Variants in SLC9A3 observed in about 807,000 individuals in gnomAD.
SLC9A3 encodes the protein solute carrier family 9 member A3.
A neutral mutation model predicts 86.8 loss-of-function variants in SLC9A3; 37 were observed. The ratio of observed to expected loss-of-function variants is 0.43; its 90% CI spans 0.33 to 0.56. The LOEUF (loss-of-function observed/expected upper bound fraction) is 0.56. Among genes scored for constraint, SLC9A3 ranks in the 20% least tolerant of loss-of-function variants. The pLI, the probability that SLC9A3 is intolerant of heterozygous loss-of-function variation, is 0.06. For synonymous variants in SLC9A3, 581 were observed against 528.3 expected, an observed-to-expected ratio of 1.10 and a Z score of -1.37; for missense variants, 1,011 against 1,171.9, an observed-to-expected ratio of 0.86 and a Z score of 2.00.
rs988432300 is a variant in SLC9A3, at chr5:496,288, C to T, written c.212-4217G>A. Among the ~76,000 whole-genome samples the T allele has an allele frequency of 2.0e-5, 3 of 152,272 alleles. No individual in the cohort carries two copies. Among genetic ancestry groups the T allele is most frequent in the Non-Finnish European group, 2.9e-5 (2 of 68,012 alleles). ...GTGTGTGTTGAGAGCTCACCTGTGTCCTCCTGCATGGGACATGCCGTCCCA... is the reference window on the plus strand; with the variant it reads ...GTGTGTGTTGAGAGCTCACCTGTGTTCTCCTGCATGGGACATGCCGTCCCA... On this transcript the variant is annotated intron_variant, in intron 1 of 16. Coordinates refer to ENST00000264938, the MANE Select transcript of SLC9A3 (RefSeq NM_004174.4). This position sits in a 1 kb window ranked among gnomAD's most constrained non-coding sequence, Gnocchi z 4.7.
At chr5:509,122 T>TA (rs1560972590) in intron 1 of SLC9A3, among the ~76,000 whole-genome samples, 1 of 145,314 alleles carries the variant, frequency 6.9e-6, no homozygotes, top group African/African-American at 2.6e-5. Context: ...AAAAAAAAAA[T>TA]TATCTCAGAA....
At position 473,209 on chromosome 5, in the gene SLC9A3, C is replaced by G. The variant is rs1223258351; in HGVS notation, c.*170G>C. ...TCGGGCGGCTCTGCGGGCGCAGGCG[C>G]GGCACTCTCGGAGTTCTGCGCAGGC... On this transcript the variant is annotated 3_prime_UTR_variant, in exon 17 of 17. Transcript: ENST00000264938. 15 of 684,540 alleles carry G rather than the reference C, an allele frequency of 2.2e-5. No homozygotes were observed. The highest frequency in any genetic ancestry group is 2.8e-5 in the Non-Finnish European group (14 of 497,692). 42.4% of individuals were successfully genotyped at this position (684,540 alleles called of 1,614,324 possible).
chr5:503,445 A>G (rs1164042501), intron 1 of SLC9A3, among the ~76,000 whole-genome samples: 1 of 152,200 alleles, frequency 6.6e-6, no homozygotes, highest in Non-Finnish European at 1.5e-5. Context: ...GGCTGAGGCC[A>G]GAGGGTCCAT....
Position 497,139 on chromosome 5 carries a change from A to T in SLC9A3, c.212-5068T>A, listed in dbSNP as rs1403939759. On this transcript the variant is annotated intron_variant, in intron 1 of 16. Transcript: ENST00000264938. The surrounding 1 kb of genome is among the most constrained non-coding windows in gnomAD (Gnocchi z 5.4). ...AGAAGGCCCTGCTAGCCTCAGAGAG[A>T]CAGTCTTTCCACACAGATGTCTGTT... Among the ~76,000 whole-genome samples the T allele has an allele frequency of 6.6e-6, 1 of 152,150 alleles. No individual in the cohort carries two copies. The highest frequency in any genetic ancestry group is 3.2e-3 in the Middle Eastern group (1 of 316).
Position 491,494 on chromosome 5 carries a change from G to A in SLC9A3, c.514+275C>T, listed in dbSNP as rs376357531. The stretch of plus-strand genomic sequence containing the variant: ...CGGACCCCTACCTCTGCCCAGTGCC[G>A]GAGGAAGAGCGGCAGCCCCTGGCCA... On this transcript the variant is annotated intron_variant, in intron 2 of 16. Transcript: ENST00000264938. The surrounding 1 kb of genome is among the most constrained non-coding windows in gnomAD (Gnocchi z 9.2). 1.2e-4 allele frequency among the ~76,000 whole-genome samples: 18 copies of A among 152,178 alleles called. No individual in the cohort carries two copies. Among genetic ancestry groups the A allele is most frequent in the Admixed American group, 5.2e-4 (8 of 15,290 alleles).
rs926231489 is a variant in SLC9A3 at position 472,549 on chromosome 5, T to C, written c.*830A>G. ...AGACCTCGTCTGTGGGGACGGGCCG[T>C]GTCCGGGGCCGCCACCCTGAGACCG... On this transcript the variant is annotated 3_prime_UTR_variant, in exon 17 of 17. Transcript: ENST00000264938. The C allele has an allele frequency of 8.6e-6, 3 of 347,104 alleles. No individual in the cohort carries two copies. The highest frequency in any genetic ancestry group is 1.7e-5 in the Non-Finnish European group (3 of 175,092). 21.5% of individuals were successfully genotyped at this position (347,104 alleles called of 1,614,324 possible).
chr5:477,258 C>T, intron 11 of SLC9A3, 74 bp downstream of exon 11: 6 of 1,086,566 alleles, frequency 5.5e-6, no homozygotes, highest in Middle Eastern at 2.1e-4. Flanking sequence ...GGAGCCACCA[C>T]AGCCCTGTCT....
At chr5:495,885 G>A (rs1739991987) in intron 1 of SLC9A3, among the ~76,000 whole-genome samples, 1 of 22,074 alleles carries the variant, frequency 4.5e-5, no homozygotes, top group Non-Finnish European at 8.4e-5. Flanking sequence ...CGCCATCGCC[G>A]ACCCTCCCCA....
At chr5:477,610 A>AT in intron 10 of SLC9A3, 166 bp from the exon 11 acceptor site, 1 of 551,922 alleles carries the variant, frequency 1.8e-6, no homozygotes, top group Non-Finnish European at 3.2e-6. Context: ...TGGAAATGCC[A>AT]AAACCAGGAG....
At chr5:516,301 T>C (rs987622845) in intron 1 of SLC9A3, among the ~76,000 whole-genome samples, 2 of 151,846 alleles carry the variant, frequency 1.3e-5, no homozygotes, top group African/African-American at 4.8e-5. Context: ...ACTGAATGTT[T>C]ATTGAATGAA....
At position 477,565 on chromosome 5, in the gene SLC9A3, C is replaced by A. The variant is rs114085948; in HGVS notation, c.1648-121G>T. 2.8e-4 allele frequency: 176 copies of A among 619,852 alleles called. No individual in the cohort carries two copies. In the African/African-American group the frequency reaches 3.0e-3, roughly 11 times the overall value. The allele number at this position is 619,852 out of a possible 1,614,324, so 38.4% of individuals were successfully genotyped here. ...CCGGGGAAAGCCTTGAGACCTGAGC[C>A]CCGGGTTCACGCCTCACAGCTGCAG... On this transcript the variant is annotated intron_variant, in intron 10 of 16. Transcript: ENST00000264938.
chr5:473,315 G>A lies in SLC9A3; in HGVS notation c.*64C>T, dbSNP rs1738504407. ...TCTGGGGTTTCTCTGGGACAGCGGCGGCGGCGGTGGGCGGACCGTGGCGCG... is the reference window on the plus strand; with the variant it reads ...TCTGGGGTTTCTCTGGGACAGCGGCAGCGGCGGTGGGCGGACCGTGGCGCG... On this transcript the variant is annotated 3_prime_UTR_variant, in exon 17 of 17. Transcript: ENST00000264938. 2 of 1,381,562 alleles carry A rather than the reference G, an allele frequency of 1.4e-6. No individual in the cohort carries two copies. The highest frequency in any genetic ancestry group is 1.6e-5 in the South Asian group (1 of 62,862). 85.6% of individuals were successfully genotyped at this position (1,381,562 alleles called of 1,614,324 possible).
chr5:490,251 T>TGGCCTCCAGCATCCGTGTC (rs1553996845), intron 2 of SLC9A3, among the ~76,000 whole-genome samples: 6 of 152,262 alleles, frequency 3.9e-5, no homozygotes, highest in African/African-American at 7.2e-5. Context: ...GGCACAGCGA[T>TGGCCTCCAGCATCCGTGTC]ACCTGGGACA....
chr5:481,624 G>A lies in SLC9A3; in HGVS notation c.1458C>T (p.His486=). The A allele has an allele frequency of 6.2e-7, 1 of 1,613,970 alleles. No individual in the cohort carries two copies. Among genetic ancestry groups the A allele is most frequent in the South Asian group, 1.1e-5 (1 of 91,084 alleles). Reference sequence around the variant, plus strand: ...ATATGTCCTCGATGGCCGAGAGGATGTGGTCGAAAGCCTTTCAAGGGAAGA... The same window carrying A: ...ATATGTCCTCGATGGCCGAGAGGATATGGTCGAAAGCCTTTCAAGGGAAGA... The part of the protein sequence containing the change: ...NEKLHGRAFD[H]ILSAIEDISG... The change falls in exon 9 of 17, where the codon CAC becomes CAT. Residue 486 remains histidine (H), a synonymous_variant. Coordinates refer to ENST00000264938, the MANE Select transcript of SLC9A3 (RefSeq NM_004174.4).
rs1579761173 is a variant in SLC9A3 at position 475,190 on chromosome 5, A to G, written c.2252-58T>C. 3.3e-6 allele frequency: 5 copies of G among 1,501,190 alleles called. No individual in the cohort carries two copies. In the East Asian group the frequency reaches 1.1e-4, roughly 34 times the overall value. 93.0% of individuals were successfully genotyped at this position (1,501,190 alleles called of 1,614,324 possible). The stretch of plus-strand genomic sequence containing the variant: ...GGAGAGCCCCACGGCGGCAGGGGAG[A>G]CCTCGCCGGGGCCGTCACCTGCTGG... On this transcript the variant is annotated intron_variant, in intron 15 of 16. Coordinates refer to ENST00000264938, the MANE Select transcript of SLC9A3 (RefSeq NM_004174.4).
chr5:521,963 G>A (rs941261970), intron 1 of SLC9A3, among the ~76,000 whole-genome samples: 8 of 152,216 alleles, frequency 5.3e-5, no homozygotes, highest in Admixed American at 2.6e-4. Flanking sequence ...GGGCCAATCC[G>A]GGCAGACCCA....
At position 472,057 on chromosome 5, in the gene SLC9A3, C is replaced by G. The variant is rs1738386071; in HGVS notation, c.*1322G>C. On this transcript the variant is annotated 3_prime_UTR_variant, in exon 17 of 17. Coordinates refer to ENST00000264938, the MANE Select transcript of SLC9A3 (RefSeq NM_004174.4). ...GGAGTGTCCACCTCCACCACTTCCA[C>G]CGTGCAGGCAGGTTTCAGGTGGGTT... The G allele has an allele frequency of 2.2e-6, 1 of 454,004 alleles. No homozygotes were observed. The highest frequency in any genetic ancestry group is 4.4e-6 in the Non-Finnish European group (1 of 225,252). 28.1% of individuals were successfully genotyped at this position (454,004 alleles called of 1,614,324 possible).
chr5:481,915 C>T (rs1460619053), intron 8 of SLC9A3, among the ~76,000 whole-genome samples, 153 bp downstream of exon 8: 4 of 52,026 alleles, frequency 7.7e-5, no homozygotes, highest in African/African-American at 2.9e-4. Flanking sequence ...GCACGTATGG[C>T]GGCCTCCTCT....
chr5:511,661 C>T (rs1454390054), intron 1 of SLC9A3, among the ~76,000 whole-genome samples: 1 of 152,252 alleles, frequency 6.6e-6, no homozygotes, highest in Non-Finnish European at 1.5e-5. Context: ...GAGGATGTGG[C>T]CACAGGAGTG....
Sources: allele counts gnomAD v4.1 joint callset (sites outside exome capture counted in the v4.1 genomes callset), GRCh38; gene constraint gnomAD v4.1.1; non-coding constraint Gnocchi (gnomAD v3.1); transcripts MANE v1.5; gene names NCBI Gene and HGNC (gene_info 2026-07-23, HGNC 2026-07-21).